LRRTM4: variants seen among roughly 807,000 people sequenced by gnomAD.
The protein encoded by LRRTM4 is leucine-rich repeat transmembrane neuronal protein 4.
Under a neutral mutation model 47.6 loss-of-function variants are expected in LRRTM4, and 25 were observed. The ratio of observed to expected loss-of-function variants is 0.53; its 90% CI spans 0.38 to 0.73. The LOEUF is 0.73. LRRTM4 is among the 30% of genes least tolerant of loss of function. The probability of loss-of-function intolerance (pLI) is 0.00; values close to 1 mark genes in which losing one functional copy is unlikely to be tolerated. For missense variants in LRRTM4, 638 were observed against 713.4 expected (o/e 0.89, Z 1.20); for synonymous variants, 311 against 269.5 (o/e 1.15, Z -1.51).
intron 3 of LRRTM4, among the ~76,000 whole-genome samples, chr2:76,932,091 T>C (rs1036979951): frequency 6.6e-6 from 1 of 152,200 alleles, no homozygotes; most frequent in African/African-American, 2.4e-5. Context: ...GTGAATTTTA[T>C]TGTGTTCATC....
intron 3 of LRRTM4, among the ~76,000 whole-genome samples, chr2:77,466,914 G>C (rs990437053): frequency 6.6e-6 from 1 of 152,006 alleles, no homozygotes; most frequent in African/African-American, 2.4e-5. Context: ...GGCCAGGCTG[G>C]TCTCGAACTC....
At position 76,856,007 on chromosome 2, in the gene LRRTM4, T is replaced by G. The variant is rs1054311123; in HGVS notation, c.1552-107091A>C. Reference sequence around the variant, plus strand: ...GGAAGTATAAATTGGCCAGAAGTGGTGGCTCATGCCTGTAATCCCAGCACT... The same window carrying G: ...GGAAGTATAAATTGGCCAGAAGTGGGGGCTCATGCCTGTAATCCCAGCACT... On this transcript the variant is annotated intron_variant, in intron 3 of 3. Coordinates refer to ENST00000409884, the MANE Select transcript of LRRTM4 (RefSeq NM_001134745.3). Among the ~76,000 whole-genome samples the G allele has an allele frequency of 2.0e-5, 3 of 152,206 alleles. No homozygotes were observed. In the South Asian group the frequency reaches 6.2e-4, roughly 31 times the overall value.
chr2:76,755,638 G>A (rs956873580), intron 3 of LRRTM4, among the ~76,000 whole-genome samples: 4 of 152,102 alleles, frequency 2.6e-5, no homozygotes, highest in African/African-American at 9.7e-5. Flanking sequence ...TGTATCCAGG[G>A]CTGGTAAAGA....
At chr2:76,892,173 A>G (rs1673275912) in intron 3 of LRRTM4, among the ~76,000 whole-genome samples, 1 of 151,676 alleles carries the variant, frequency 6.6e-6, no homozygotes, top group Non-Finnish European at 1.5e-5. Context: ...TACTTATTAT[A>G]TGAAGAATGC....
chr2:77,499,454 C>A, intron 3 of LRRTM4, among the ~76,000 whole-genome samples: 1 of 151,812 alleles, frequency 6.6e-6, no homozygotes, highest in Admixed American at 6.6e-5. Flanking sequence ...AGGTGTTAAT[C>A]TTGTCTCTGA....
intron 3 of LRRTM4, among the ~76,000 whole-genome samples, chr2:77,042,853 C>G (rs1227611075): frequency 6.6e-6 from 1 of 151,700 alleles, no homozygotes; most frequent in African/African-American, 2.4e-5. Flanking sequence ...TCCCACTCTT[C>G]TTAGACAAAG....
rs113645513 is a variant in LRRTM4 at position 77,101,044 on chromosome 2, C to T, written c.1552-352128G>A. Among the ~76,000 whole-genome samples the T allele has an allele frequency of 1.0e-3, 153 of 151,946 alleles. 2 individuals carry two copies. The highest frequency in any genetic ancestry group is 3.4e-3 in the Middle Eastern group (1 of 294). Reference sequence around the variant, plus strand: ...TAGAGACGGGGTTTCACCACATTGGCCAGGATGGTCTTGATCTCCTGACCT... The same window carrying T: ...TAGAGACGGGGTTTCACCACATTGGTCAGGATGGTCTTGATCTCCTGACCT... On this transcript the variant is annotated intron_variant, in intron 3 of 3. Transcript: ENST00000409884.
chr2:77,466,694 T>A (rs1676993659), intron 3 of LRRTM4, among the ~76,000 whole-genome samples: 1 of 135,318 alleles, frequency 7.4e-6, no homozygotes, highest in Non-Finnish European at 1.5e-5. Flanking sequence ...AATTTCAAAC[T>A]ATGGCAACTT....
At chr2:77,242,795 C>CT (rs1326170223) in intron 3 of LRRTM4, among the ~76,000 whole-genome samples, 1 of 152,080 alleles carries the variant, frequency 6.6e-6, no homozygotes, top group Non-Finnish European at 1.5e-5. Flanking sequence ...AATGAAACTG[C>CT]TATGAAAACA....
rs890693205 is a variant in LRRTM4, at chr2:77,499,345, C to T, written c.1551+18973G>A. ...TGTTTGGTTTTGTCCAGAAATGTGT[C>T]AATGGGAAGAAGAACTGCCTTAGCA... On this transcript the variant is annotated intron_variant, in intron 3 of 3. Coordinates refer to ENST00000409884, the MANE Select transcript of LRRTM4 (RefSeq NM_001134745.3). Among the ~76,000 whole-genome samples the T allele has an allele frequency of 2.6e-5, 4 of 151,802 alleles. No homozygotes were observed. The South Asian group carries it at 8.3e-4, about 31-fold the overall frequency.
chr2:77,474,505 A>T (rs1235025022), intron 3 of LRRTM4, among the ~76,000 whole-genome samples: 2 of 152,122 alleles, frequency 1.3e-5, no homozygotes, highest in African/African-American at 4.8e-5. Flanking sequence ...GTCAAGAGTA[A>T]GGTTGGAATA....
intron 3 of LRRTM4, among the ~76,000 whole-genome samples, chr2:76,964,421 A>T (rs1302988918): frequency 6.6e-6 from 1 of 150,908 alleles, no homozygotes; most frequent in Non-Finnish European, 1.5e-5. Flanking sequence ...ATACTATCAA[A>T]AGTCAGAGCA....
intron 3 of LRRTM4, among the ~76,000 whole-genome samples, chr2:76,919,368 C>A (rs577273339): frequency 3.3e-5 from 5 of 152,094 alleles, no homozygotes; most frequent in Admixed American, 6.5e-5. Flanking sequence ...AACAACACAA[C>A]AAAATTAAAA....
At chr2:76,876,143 C>T (rs192793743) in intron 3 of LRRTM4, among the ~76,000 whole-genome samples, 108 of 151,838 alleles carry the variant, frequency 7.1e-4, no homozygotes, top group African/African-American at 2.4e-3. Flanking sequence ...GTATGCCTAA[C>T]GATTTTAGAG....
At chr2:77,130,716 T>C (rs1321959944) in intron 3 of LRRTM4, among the ~76,000 whole-genome samples, 2 of 151,400 alleles carry the variant, frequency 1.3e-5, no homozygotes, top group Non-Finnish European at 2.9e-5. Flanking sequence ...TTTCACCGTG[T>C]TAGCCAGGAT....
chr2:77,055,201 C>T (rs570272768), intron 3 of LRRTM4, among the ~76,000 whole-genome samples: 2 of 152,334 alleles, frequency 1.3e-5, no homozygotes, highest in African/African-American at 4.8e-5. Flanking sequence ...TCTCCATCCA[C>T]CTCCCTGGGC....
At chr2:77,252,702 C>T (rs140064209) in intron 3 of LRRTM4, among the ~76,000 whole-genome samples, 5 of 152,138 alleles carry the variant, frequency 3.3e-5, no homozygotes, top group East Asian at 1.9e-4. Flanking sequence ...TAAAAGAAGA[C>T]GGACAACTAT....
chr2:77,296,003 T>C (rs1401801876), intron 3 of LRRTM4, among the ~76,000 whole-genome samples: 4 of 152,208 alleles, frequency 2.6e-5, no homozygotes, highest in Admixed American at 1.3e-4. Context: ...AGTGCTCTTA[T>C]TGTTTTACAA....
intron 3 of LRRTM4, among the ~76,000 whole-genome samples, chr2:76,904,865 G>C (rs1305266091): frequency 6.6e-6 from 1 of 152,182 alleles, no homozygotes; most frequent in East Asian, 1.9e-4. Flanking sequence ...AAAGTGTTTT[G>C]AAAAGGCATC....
Sources: gnomAD v4.1 joint callset for allele counts (sites outside exome capture counted in the v4.1 genomes callset) on GRCh38, gnomAD v4.1.1 for gene constraint, MANE v1.5 for transcripts, NCBI Gene and HGNC (gene_info 2026-07-23, HGNC 2026-07-21) for gene names.